The following METTL15 variants were observed in gnomAD, a reference collection of about 807,000 sequenced individuals.
The protein encoded by METTL15 is methyltransferase 15, mitochondrial 12S rRNA N4-cytidine, also known as 12S rRNA N(4)-cytidine methyltransferase METTL15.
In METTL15, 34 loss-of-function variants were observed where a neutral mutation model predicts 38.3. That is an observed-to-expected ratio of 0.89 (90% CI 0.68 to 1.18). The LOEUF (loss-of-function observed/expected upper bound fraction) is 1.18. Among genes scored for constraint, METTL15 ranks in the 50% most tolerant of loss-of-function variants. The pLI is 0.00. For synonymous variants in METTL15, 162 were observed against 170.9 expected (o/e 0.95, Z 0.41); for missense variants, 438 against 498.4 (o/e 0.88, Z 1.15).
chr11:28,266,074 G>T (rs1855404193), intron 4 of METTL15, among the ~76,000 whole-genome samples: 1 of 152,156 alleles, frequency 6.6e-6, no homozygotes, highest in African/African-American at 2.4e-5. Flanking sequence ...TGCTGGAGAG[G>T]ATGTGGAGAA....
intron 3 of METTL15, among the ~76,000 whole-genome samples, chr11:28,117,968 C>A (rs1852047148): frequency 6.6e-6 from 1 of 152,098 alleles, no homozygotes; most frequent in South Asian, 2.1e-4. Context: ...TCTGCATCAC[C>A]TTCAATGATG....
At chr11:28,136,487 G>T (rs1003766635) in intron 3 of METTL15, among the ~76,000 whole-genome samples, 6 of 151,998 alleles carry the variant, frequency 3.9e-5, no homozygotes, top group Non-Finnish European at 8.8e-5. Flanking sequence ...TAAATTACCC[G>T]GTCTTGGGTA....
chr11:28,472,899 C>T (rs1851314627), intron 6 of METTL15, among the ~76,000 whole-genome samples: 1 of 152,132 alleles, frequency 6.6e-6, no homozygotes, highest in South Asian at 2.1e-4. Context: ...AAATGTAATT[C>T]CTTGCTTGAA....
intron 6 of METTL15, among the ~76,000 whole-genome samples, chr11:28,451,602 A>T (rs1430989311): frequency 6.6e-6 from 1 of 152,118 alleles, no homozygotes; most frequent in Admixed American, 6.5e-5. Flanking sequence ...AAAGAAAAAG[A>T]AAAAGGAAAT....
At chr11:28,154,506 T>A (rs1590824606) in intron 3 of METTL15, among the ~76,000 whole-genome samples, 1 of 152,134 alleles carries the variant, frequency 6.6e-6, no homozygotes, top group Non-Finnish European at 1.5e-5. Flanking sequence ...TTTAGTAGAA[T>A]AAAATGGCAT....
At chr11:28,442,611 A>C (rs1851044174) in intron 6 of METTL15, among the ~76,000 whole-genome samples, 1 of 152,180 alleles carries the variant, frequency 6.6e-6, no homozygotes, top group South Asian at 2.1e-4. Context: ...TGCAAAATGC[A>C]AAAATCACTC....
intron 6 of METTL15, among the ~76,000 whole-genome samples, chr11:28,525,211 A>C (rs1392775678): frequency 2.0e-5 from 3 of 152,146 alleles, no homozygotes; most frequent in East Asian, 3.9e-4. Context: ...AGAGGACCTG[A>C]GCGGGTTGCC....
intron 3 of METTL15, among the ~76,000 whole-genome samples, chr11:28,186,079 A>G (rs1851483407): frequency 6.6e-6 from 1 of 151,062 alleles, no homozygotes; most frequent in Non-Finnish European, 1.5e-5. Flanking sequence ...GTTCTAATGA[A>G]CAAATGAAAG....
intron 6 of METTL15, among the ~76,000 whole-genome samples, chr11:28,447,370 A>G (rs1375643604): frequency 1.3e-5 from 2 of 152,200 alleles, no homozygotes; most frequent in African/African-American, 4.8e-5. Flanking sequence ...TCTATTACCC[A>G]TAAACCACTC....
At chr11:28,289,113 T>C (rs1856406904) in intron 4 of METTL15, among the ~76,000 whole-genome samples, 1 of 152,160 alleles carries the variant, frequency 6.6e-6, no homozygotes, top group Non-Finnish European at 1.5e-5. Context: ...ATTAGCATTT[T>C]AATTTTCCCA....
chr11:28,409,381 CAAAAAAAAAAAAA>C (rs58050337), intron 5 of METTL15, among the ~76,000 whole-genome samples: 1 of 81,338 alleles, frequency 1.2e-5, no homozygotes. Flanking sequence ...GACTCCGTCT[CAAAAAAAAAAAAA>C]AAAAAAAAAA....
intron 4 of METTL15, among the ~76,000 whole-genome samples, chr11:28,259,261 C>T (rs1047469665): frequency 5.3e-5 from 8 of 151,984 alleles, no homozygotes; most frequent in South Asian, 2.1e-4. Context: ...TGCAAGACAA[C>T]GTCTTTCCCA....
intron 6 of METTL15, among the ~76,000 whole-genome samples, chr11:28,323,091 A>G (rs774163984): frequency 2.0e-5 from 3 of 152,180 alleles, no homozygotes; most frequent in Non-Finnish European, 2.9e-5. Context: ...ATGAAGAAAA[A>G]AGGAAGTATA....
chr11:28,516,967 G>A (rs1315684277), intron 6 of METTL15: 3 of 152,236 alleles, frequency 2.0e-5, no homozygotes, highest in African/African-American at 4.8e-5. Context: ...GGAACAATAA[G>A]CAAGGGTCAA....
At chr11:28,239,170 C>G (rs1396662149) in intron 4 of METTL15, among the ~76,000 whole-genome samples, 2 of 152,198 alleles carry the variant, frequency 1.3e-5, no homozygotes, top group Non-Finnish European at 2.9e-5. Context: ...TCCCATCCAA[C>G]TGCTTAGCTG....
intron 3 of METTL15, among the ~76,000 whole-genome samples, chr11:28,157,517 C>G (rs1590830352): frequency 6.6e-6 from 1 of 152,178 alleles, no homozygotes; most frequent in South Asian, 2.1e-4. Flanking sequence ...CAGATAACTA[C>G]TCCCCTTTTG....
Position 28,348,833 on chromosome 11 carries a change from C to T in METTL15, c.*190-3257C>T, listed in dbSNP as rs577539082. On this transcript the variant is annotated intron_variant and NMD_transcript_variant, in intron 3 of 7. Coordinates refer to the METTL15 transcript ENST00000532947. ...GTACTTTGGCCACTGGGAGCCAGTTCCTTCAAGCTTACTTCTGTGTTCTTT... is the reference window on the plus strand; with the variant it reads ...GTACTTTGGCCACTGGGAGCCAGTTTCTTCAAGCTTACTTCTGTGTTCTTT... 7.2e-5 allele frequency among the ~76,000 whole-genome samples: 11 copies of T among 152,248 alleles called. No homozygotes were observed. In the East Asian group the frequency reaches 1.5e-3, roughly 21 times the overall value.
downstream of METTL15, among the ~76,000 whole-genome samples, chr11:28,333,670 T>C (rs1846557365): frequency 6.6e-6 from 1 of 151,948 alleles, no homozygotes. Flanking sequence ...TGTATATTAA[T>C]TACTATGTTC....
intron 5 of METTL15, among the ~76,000 whole-genome samples, chr11:28,398,037 A>G (rs183440121): frequency 5.9e-4 from 90 of 152,126 alleles, no homozygotes; most frequent in Admixed American, 4.0e-3. Context: ...GGAATTGAAC[A>G]GTGAGAACAC....
Sources: gnomAD v4.1 joint callset for allele counts (sites outside exome capture counted in the v4.1 genomes callset) on GRCh38, gnomAD v4.1.1 for gene constraint, MANE v1.5 for transcripts, NCBI Gene and HGNC (gene_info 2026-07-23, HGNC 2026-07-21) for gene names.